The following NOS1AP variants were observed in gnomAD, a reference collection of about 807,000 sequenced individuals.
NOS1AP encodes the protein nitric oxide synthase 1 adaptor protein, also known as carboxyl-terminal PDZ ligand of neuronal nitric oxide synthase protein.
A neutral mutation model predicts 56.2 loss-of-function variants in NOS1AP; 21 were observed. The ratio of observed to expected loss-of-function variants is 0.37; its 90% CI spans 0.26 to 0.54. The LOEUF is 0.54. Ranked by LOEUF, NOS1AP falls within the 20% of genes least tolerant of loss-of-function variation. The pLI is 0.84. For missense variants in NOS1AP, 522 were observed against 657.8 expected (o/e 0.79, Z 2.26); for synonymous variants, 270 against 274.6 (o/e 0.98, Z 0.17).
intron 5 of NOS1AP, chr1:162,342,587 A>G (rs1255744910): frequency 8.1e-6 from 4 of 494,864 alleles, no homozygotes; most frequent in Non-Finnish European, 1.7e-5. Context: ...TATGAGCTTC[A>G]TTTATACATT....
At chr1:162,088,907 A>G (rs1056408531) in intron 1 of NOS1AP, among the ~76,000 whole-genome samples, 5 of 152,160 alleles carry the variant, frequency 3.3e-5, no homozygotes, top group African/African-American at 1.2e-4. Context: ...ATGAATACAT[A>G]CAATCTGGAG....
intron 2 of NOS1AP, among the ~76,000 whole-genome samples, chr1:162,271,510 G>T (rs1654582405): frequency 6.6e-6 from 1 of 152,194 alleles, no homozygotes; most frequent in Non-Finnish European, 1.5e-5. Flanking sequence ...CAATACATGA[G>T]TTAGAATTAA....
chr1:162,254,380 T>G (rs1653959492), intron 2 of NOS1AP, among the ~76,000 whole-genome samples: 1 of 152,184 alleles, frequency 6.6e-6, no homozygotes, highest in African/African-American at 2.4e-5. Flanking sequence ...TGTGGGTGAA[T>G]GTGCAAACGT....
chr1:162,300,579 C>T lies in NOS1AP; in HGVS notation c.271-54C>T. 3.4e-6 allele frequency: 5 copies of T among 1,460,992 alleles called. No individual in the cohort carries two copies. In the South Asian group the frequency reaches 5.7e-5, roughly 17 times the overall value. The allele number at this position is 1,460,992 out of a possible 1,614,324, so 90.5% of individuals were successfully genotyped here. A position where few individuals can be genotyped will look rare whatever the true frequency, so the allele number is the denominator to read the frequency against. ...TGTGTTTGCATAAGTATGCATAGCTCAGTGTGTGCCCTGGTCCTGTAACTG... is the reference window on the plus strand; with the variant it reads ...TGTGTTTGCATAAGTATGCATAGCTTAGTGTGTGCCCTGGTCCTGTAACTG... On this transcript the variant is annotated intron_variant, in intron 3 of 9. Coordinates refer to ENST00000361897, the MANE Select transcript of NOS1AP (RefSeq NM_014697.3).
At chr1:162,108,742 C>A (rs1344774486) in intron 1 of NOS1AP, among the ~76,000 whole-genome samples, 2 of 151,102 alleles carry the variant, frequency 1.3e-5, no homozygotes, top group African/African-American at 2.4e-5. Flanking sequence ...ATACAGGGGG[C>A]AGAGGAATGT....
chr1:162,304,740 A>G (rs557746908), intron 4 of NOS1AP, among the ~76,000 whole-genome samples: 4 of 150,294 alleles, frequency 2.7e-5, no homozygotes, highest in East Asian at 3.9e-4. Context: ...CATGTATTAA[A>G]TTGTGATGTT....
intron 1 of NOS1AP, among the ~76,000 whole-genome samples, chr1:162,130,200 A>G (rs1259549913): frequency 6.6e-6 from 1 of 152,224 alleles, no homozygotes; most frequent in Non-Finnish European, 1.5e-5. Context: ...ATAGCCCTAT[A>G]AGGAAGATTG....
intron 3 of NOS1AP, 130 bp from the exon 4 acceptor site, chr1:162,300,503 A>G (rs1655613237): frequency 2.5e-6 from 2 of 799,428 alleles, no homozygotes; most frequent in African/African-American, 1.7e-5. Context: ...TTTTGGAGCA[A>G]TCAACTCCAG....
Position 162,078,953 on chromosome 1 carries a change from C to T in NOS1AP, c.105+8671C>T, listed in dbSNP as rs116797332. ...GTCAGGGTCCATGTCACTCTGCCCC[C>T]GTGTCTTCCACAGCCCTGAGTACAG... On this transcript the variant is annotated intron_variant, in intron 1 of 9. Transcript: ENST00000361897. Among the ~76,000 whole-genome samples, 1,224 of 152,234 alleles carry T rather than the reference C, an allele frequency of 8.0e-3. 16 individuals are homozygous for T. The highest frequency in any genetic ancestry group is 0.028 in the African/African-American group (1,156 of 41,526).
Position 162,156,337 on chromosome 1 carries a change from G to A in NOS1AP, c.177+1861G>A, listed in dbSNP as rs911958656. The stretch of plus-strand genomic sequence containing the variant: ...TCAGAGGGGTAGGGTGAGGAGTCTC[G>A]CAGGTCTGGGAAGGGGCAGGCATGT... On this transcript the variant is annotated intron_variant, in intron 2 of 9. Transcript: ENST00000361897. Among the ~76,000 whole-genome samples, 19 of 152,230 alleles carry A rather than the reference G, an allele frequency of 1.2e-4. No individual in the cohort carries two copies. In the East Asian group the frequency reaches 3.7e-3, roughly 29 times the overall value.
chr1:162,348,744 C>T (rs1434606036), intron 6 of NOS1AP, among the ~76,000 whole-genome samples: 1 of 152,188 alleles, frequency 6.6e-6, no homozygotes, highest in Admixed American at 6.5e-5. Context: ...CAAGGGCTCT[C>T]CCCTGCTCGT....
At position 162,333,073 on chromosome 1, in the gene NOS1AP, G is replaced by T; in HGVS notation, c.401G>T (p.Arg134Leu). 6.2e-7 allele frequency: 1 copy of T among 1,613,894 alleles called. No individual in the cohort carries two copies. Among genetic ancestry groups the T allele is most frequent in the Non-Finnish European group, 8.5e-7 (1 of 1,179,910 alleles). The stretch of plus-strand genomic sequence containing the variant: ...TTGAAGATCTTCAGCTATATCGCTC[G>T]AGATGGTGCCAGCAATATCTTCAGG... ...QDLKIFSYIA[R>L]DGASNIFRCN... Residue 134 changes from arginine (R) to leucine (L), a missense_variant, in exon 5 of 10, where the codon CGA becomes CTA. Physicochemically the swap from Arg to Leu is moderately radical, Grantham distance 102. Coordinates refer to ENST00000361897, the MANE Select transcript of NOS1AP (RefSeq NM_014697.3).
chr1:162,313,139 T>G (rs1363063318), intron 4 of NOS1AP, among the ~76,000 whole-genome samples: 1 of 152,216 alleles, frequency 6.6e-6, no homozygotes, highest in Non-Finnish European at 1.5e-5. Context: ...CATGCCTCTA[T>G]GTAGAAAGCG....
chr1:162,086,781 C>T (rs1031485003), intron 1 of NOS1AP, among the ~76,000 whole-genome samples: 2 of 152,174 alleles, frequency 1.3e-5, no homozygotes, highest in Non-Finnish European at 2.9e-5. Context: ...TGACTTTCCC[C>T]TCCCAGCCAT....
chr1:162,131,597 C>T (rs1648748535), intron 1 of NOS1AP, among the ~76,000 whole-genome samples: 1 of 151,874 alleles, frequency 6.6e-6, no homozygotes, highest in Non-Finnish European at 1.5e-5. Context: ...AGTGCAATGT[C>T]CTTGCAGGGA....
At chr1:162,273,309 G>GC (rs1654640856) in intron 2 of NOS1AP, among the ~76,000 whole-genome samples, 1 of 151,830 alleles carries the variant, frequency 6.6e-6, no homozygotes, top group South Asian at 2.1e-4. Context: ...GACTACAGGC[G>GC]CCCGCCACCA....
At chr1:162,239,131 A>G (rs1653399471) in intron 2 of NOS1AP, among the ~76,000 whole-genome samples, 1 of 152,244 alleles carries the variant, frequency 6.6e-6, no homozygotes, top group Non-Finnish European at 1.5e-5. Flanking sequence ...TTTGAGTAAT[A>G]GACCAACTTT....
intron 5 of NOS1AP, among the ~76,000 whole-genome samples, chr1:162,335,536 C>T (rs1315868847): frequency 1.3e-5 from 2 of 152,254 alleles, no homozygotes; most frequent in East Asian, 3.9e-4. Flanking sequence ...GGAGTTTTAA[C>T]TGGCAAATCA....
chr1:162,076,226 G>A (rs571384165), intron 1 of NOS1AP, among the ~76,000 whole-genome samples: 2 of 152,244 alleles, frequency 1.3e-5, no homozygotes, highest in Admixed American at 6.5e-5. Context: ...TTGTCCTGCT[G>A]TCTACCCTCC....
Sources: allele counts gnomAD v4.1 joint callset (sites outside exome capture counted in the v4.1 genomes callset), GRCh38; gene constraint gnomAD v4.1.1; transcripts MANE v1.5; gene names NCBI Gene and HGNC (gene_info 2026-07-23, HGNC 2026-07-21).